CDH4: variants seen among roughly 807,000 people sequenced by gnomAD.
The protein encoded by CDH4 is cadherin-4.
CDH4 carries 33 observed loss-of-function variants against 86.0 expected under a neutral mutation model. The ratio of observed to expected loss-of-function variants is 0.38; its 90% CI spans 0.29 to 0.51. The LOEUF is 0.51. Ranked by LOEUF, CDH4 falls within the 20% of genes least tolerant of loss-of-function variation. The pLI is 0.86. For synonymous variants in CDH4, 555 were observed against 549.4 expected, an observed-to-expected ratio of 1.01 and a Z score of -0.14; for missense variants, 1,114 against 1,307.4, an observed-to-expected ratio of 0.85 and a Z score of 2.28.
intron 2 of CDH4, among the ~76,000 whole-genome samples, chr20:61,542,108 G>A (rs979586461): frequency 1.3e-5 from 2 of 152,132 alleles, no homozygotes; most frequent in African/African-American, 2.4e-5. Flanking sequence ...GAGGGCAGCT[G>A]GTCCAGAGAC....
chr20:61,559,349 G>T (rs552319386), intron 2 of CDH4, among the ~76,000 whole-genome samples: 5 of 151,852 alleles, frequency 3.3e-5, no homozygotes, highest in African/African-American at 1.2e-4. Flanking sequence ...AAAAAGTATT[G>T]CTGCTCGTTG....
intron 2 of CDH4, among the ~76,000 whole-genome samples, chr20:61,533,442 C>G (rs1012093955): frequency 6.6e-6 from 1 of 152,208 alleles, no homozygotes; most frequent in Non-Finnish European, 1.5e-5. Context: ...GAGCTGTGCT[C>G]GTCTCTCCAT....
intron 2 of CDH4, among the ~76,000 whole-genome samples, chr20:61,424,811 G>A (rs1350103121): frequency 6.6e-6 from 1 of 152,218 alleles, no homozygotes; most frequent in Non-Finnish European, 1.5e-5. Flanking sequence ...TGCCCCGCCT[G>A]TTTCCCATCC....
intron 2 of CDH4, among the ~76,000 whole-genome samples, chr20:61,262,624 G>C (rs1296870392): frequency 6.6e-6 from 1 of 152,210 alleles, no homozygotes; most frequent in Non-Finnish European, 1.5e-5. Flanking sequence ...CAAAGGAAGT[G>C]TATTTGGTGT....
intron 2 of CDH4, among the ~76,000 whole-genome samples, chr20:61,440,903 T>C (rs767342483): frequency 3.9e-5 from 6 of 152,176 alleles, no homozygotes; most frequent in Non-Finnish European, 7.4e-5. Context: ...AAGTCTGTAG[T>C]TGTCGGGAAG....
At chr20:61,588,117 C>CT (rs2086492039) in intron 2 of CDH4, among the ~76,000 whole-genome samples, 2 of 152,182 alleles carry the variant, frequency 1.3e-5, no homozygotes, top group Non-Finnish European at 2.9e-5. Flanking sequence ...CGTGCAGAGA[C>CT]TTAGCCAAGC....
chr20:61,451,106 T>C (rs1407511314), intron 2 of CDH4, among the ~76,000 whole-genome samples: 4 of 129,590 alleles, frequency 3.1e-5, no homozygotes, highest in African/African-American at 1.2e-4. Flanking sequence ...TTCTGAGCTT[T>C]TTCCCTCCCT....
chr20:61,318,033 A>G (rs1270501731), intron 2 of CDH4, among the ~76,000 whole-genome samples: 1 of 152,188 alleles, frequency 6.6e-6, no homozygotes, highest in Non-Finnish European at 1.5e-5. Flanking sequence ...ACCCAGAGAG[A>G]CTAAAGGGCT....
chr20:61,882,797 A>G (rs12479464), intron 7 of CDH4, among the ~76,000 whole-genome samples: 25,234 of 151,894 alleles, frequency 0.17, 2,386 homozygotes, highest in South Asian at 0.36. Flanking sequence ...GTTTCCCGGC[A>G]CCCCAGGTGG....
chr20:61,319,856 G>A (rs917181988), intron 2 of CDH4, among the ~76,000 whole-genome samples: 1 of 151,796 alleles, frequency 6.6e-6, no homozygotes, highest in Admixed American at 6.6e-5. Context: ...TCAGGAGGTT[G>A]AGGCGGGAGA....
At chr20:61,831,848 C>T (rs575357507) in intron 4 of CDH4, among the ~76,000 whole-genome samples, 2 of 152,394 alleles carry the variant, frequency 1.3e-5, no homozygotes, top group South Asian at 4.1e-4. Flanking sequence ...CCAGCATTTG[C>T]CTTCATTCCC....
chr20:61,640,991 G>C (rs1337742133), intron 2 of CDH4, among the ~76,000 whole-genome samples: 1 of 152,298 alleles, frequency 6.6e-6, no homozygotes, highest in Non-Finnish European at 1.5e-5. Flanking sequence ...GGTGGTAGCT[G>C]GTGGCTACGT....
At chr20:61,600,260 T>C (rs2427166) in intron 2 of CDH4, among the ~76,000 whole-genome samples, 149,882 of 152,308 alleles carry the variant, frequency 0.98, 73,761 homozygotes, top group East Asian at 1. Context: ...GGGTCAATGA[T>C]CACCTGGATT....
intron 2 of CDH4, chr20:61,718,456 C>T (rs902702789): frequency 3.2e-5 from 8 of 246,472 alleles, no homozygotes; most frequent in Middle Eastern, 1.5e-3. Context: ...CAGAAGGAGG[C>T]AGGTGCCTGC....
At chr20:61,301,938 T>C (rs995023637) in intron 2 of CDH4, among the ~76,000 whole-genome samples, 3 of 152,262 alleles carry the variant, frequency 2.0e-5, no homozygotes, top group Admixed American at 6.5e-5. Context: ...GTTTGGAAAT[T>C]ACATGCGCTT....
intron 2 of CDH4, among the ~76,000 whole-genome samples, chr20:61,577,767 G>A (rs1353038744): frequency 6.6e-6 from 1 of 152,122 alleles, no homozygotes; most frequent in Admixed American, 6.5e-5. Flanking sequence ...TCTCTGGGTG[G>A]CGGCCCTGGG....
chr20:61,862,263 C>T (rs1207770421), intron 6 of CDH4, among the ~76,000 whole-genome samples: 2 of 152,186 alleles, frequency 1.3e-5, no homozygotes, highest in Non-Finnish European at 2.9e-5. Context: ...GAGACCCCAT[C>T]TCCTCCTTCA....
intron 2 of CDH4, among the ~76,000 whole-genome samples, chr20:61,409,516 C>T (rs1000734137): frequency 3.3e-5 from 5 of 152,216 alleles, no homozygotes; most frequent in Non-Finnish European, 5.9e-5. Flanking sequence ...TCATCACACC[C>T]GGGGCCGCCT....
At chr20:61,347,181 C>T (rs2084684440) in intron 2 of CDH4, among the ~76,000 whole-genome samples, 3 of 152,354 alleles carry the variant, frequency 2.0e-5, no homozygotes, top group South Asian at 4.1e-4. Flanking sequence ...AGACCAAAGT[C>T]ATAGCCTCGT....
Sources: allele counts gnomAD v4.1 joint callset (sites outside exome capture counted in the v4.1 genomes callset), GRCh38; gene constraint gnomAD v4.1.1; transcripts MANE v1.5; gene names NCBI Gene and HGNC (gene_info 2026-07-23, HGNC 2026-07-21).